The following ADGRV1 variants were observed in gnomAD, a reference collection of about 807,000 sequenced individuals.
The protein encoded by ADGRV1 is adhesion G protein-coupled receptor V1, also known as G-protein coupled receptor 98.
ADGRV1 carries 359 observed loss-of-function variants against 596.2 expected under a neutral mutation model. The ratio of observed to expected loss-of-function variants is 0.60; its 90% CI spans 0.55 to 0.66. The LOEUF is 0.66. Ranked by LOEUF, ADGRV1 falls within the 30% of genes least tolerant of loss-of-function variation. The pLI is 0.00. For synonymous variants in ADGRV1, 2,681 were observed against 2,679.2 expected (o/e 1.00, Z -0.02); for missense variants, 7,274 against 7,575.6 (o/e 0.96, Z 1.48).
At chr5:90,826,393 G>T (rs1035294805) in intron 76 of ADGRV1, among the ~76,000 whole-genome samples, 4 of 152,174 alleles carry the variant, frequency 2.6e-5, no homozygotes, top group African/African-American at 9.7e-5. Flanking sequence ...TGGAGTCACT[G>T]GAGTCAGTTT....
intron 83 of ADGRV1, among the ~76,000 whole-genome samples, chr5:90,932,203 C>T (rs937915279): frequency 6.6e-6 from 1 of 152,074 alleles, no homozygotes; most frequent in Non-Finnish European, 1.5e-5. Context: ...AATGTTTTTT[C>T]ATTAGTGGTA....
chr5:90,765,468 C>CACAA (rs748958738), intron 59 of ADGRV1, among the ~76,000 whole-genome samples: 77 of 146,976 alleles, frequency 5.2e-4, no homozygotes, highest in Non-Finnish European at 1.0e-3. Flanking sequence ...CACACACACA[C>CACAA]ACAAACTCTA....
chr5:90,910,762 G>A (rs1772814121), intron 83 of ADGRV1, among the ~76,000 whole-genome samples: 1 of 152,060 alleles, frequency 6.6e-6, no homozygotes, highest in African/African-American at 2.4e-5. Flanking sequence ...CCAGTGAGGG[G>A]TGGTTTCTTT....
In ADGRV1 at chr5:90,672,349, G is replaced by C. The variant is rs114006677; in HGVS notation, c.4753-197G>C. ...CTTTATTTATCTCTATAATGGAATG[G>C]GAGAAAATGAATGATTGTAAATATT... is the stretch of plus-strand genomic sequence containing the variant. On this transcript the variant is annotated intron_variant, in intron 21 of 89. Coordinates refer to ENST00000405460, the MANE Select transcript of ADGRV1 (RefSeq NM_032119.4). 0.037 allele frequency among the ~76,000 whole-genome samples: 5,664 copies of C among 152,230 alleles called. 358 individuals carry two copies. Among genetic ancestry groups the C allele is most frequent in the African/African-American group, 0.13 (5,308 of 41,506 alleles).
intron 67 of ADGRV1, among the ~76,000 whole-genome samples, chr5:90,786,338 A>T (rs1164132432): frequency 2.0e-5 from 3 of 152,338 alleles, no homozygotes; most frequent in South Asian, 4.1e-4. Context: ...AACATAGTAC[A>T]TGTATACCTA....
rs538920341 is a variant in ADGRV1, at chr5:91,017,139, C to G, written c.18152+31617C>G. The stretch of plus-strand genomic sequence containing the variant: ...TGGATATATGTGACTCATGAAGAGC[C>G]TTGTTCAATCTACTATTGCTAAACT... On this transcript the variant is annotated intron_variant, in intron 85 of 89. Transcript: ENST00000405460. Among the ~76,000 whole-genome samples the G allele has an allele frequency of 2.6e-5, 4 of 152,006 alleles. No individual in the cohort carries two copies. In the South Asian group the frequency reaches 8.3e-4, roughly 32 times the overall value.
chr5:90,757,366 T>C (rs1384050339), intron 57 of ADGRV1, among the ~76,000 whole-genome samples: 2 of 119,350 alleles, frequency 1.7e-5, no homozygotes, highest in East Asian at 2.5e-4. Context: ...ATCTTACCCT[T>C]TTCTGAACCC....
At chr5:90,610,960 G>A (rs1248633138) in intron 1 of ADGRV1, among the ~76,000 whole-genome samples, 1 of 151,852 alleles carries the variant, frequency 6.6e-6, no homozygotes, top group African/African-American at 2.4e-5. Context: ...AGTGGTAGAG[G>A]GAATTTCCAT....
chr5:90,744,468 A>G (rs1343972136), intron 50 of ADGRV1, among the ~76,000 whole-genome samples: 2 of 152,196 alleles, frequency 1.3e-5, no homozygotes, highest in Non-Finnish European at 2.9e-5. Flanking sequence ...TAAATATACA[A>G]TAACAAATAT....
intron 1 of ADGRV1, among the ~76,000 whole-genome samples, chr5:90,612,144 T>A (rs1762796993): frequency 6.6e-6 from 1 of 152,080 alleles, no homozygotes; most frequent in Admixed American, 6.6e-5. Flanking sequence ...ACACAGGATC[T>A]TGGAGCTCTA....
At chr5:90,713,186 T>G (rs1402970211) in intron 42 of ADGRV1, among the ~76,000 whole-genome samples, 1 of 152,090 alleles carries the variant, frequency 6.6e-6, no homozygotes, top group East Asian at 1.9e-4. Flanking sequence ...AAATTTTAGT[T>G]TGATGAATAT....
At position 90,778,482 on chromosome 5, in the gene ADGRV1, C is replaced by T; in HGVS notation, c.12722C>T (p.Ala4241Val). Residue 4241 changes from alanine (A) to valine (V), a missense_variant, in exon 63 of 90, where the codon GCA becomes GTA. Ala to Val is a moderately conservative substitution (Grantham distance 64). This residue lies in a region of ADGRV1 where 3,643 missense variants were observed against 3,809.2 expected (regional missense o/e 0.96). Coordinates refer to ENST00000405460, the MANE Select transcript of ADGRV1 (RefSeq NM_032119.4). ...AGCTTCTATGAGTTTCAGCTCACTG[C>T]AGTCAGTGAGGGAGGAGTTCTGAGT... ...EKSFYEFQLTAVSEGGVLSES... is the reference protein window; with the variant it reads ...EKSFYEFQLTVVSEGGVLSES... 6.2e-7 allele frequency: 1 copy of T among 1,612,300 alleles called. No homozygotes were observed. Among genetic ancestry groups the T allele is most frequent in the South Asian group, 1.1e-5 (1 of 90,976 alleles).
chr5:90,900,598 A>T (rs1477419069), intron 83 of ADGRV1, among the ~76,000 whole-genome samples: 1 of 152,064 alleles, frequency 6.6e-6, no homozygotes, highest in Non-Finnish European at 1.5e-5. Context: ...AAATTTCGAG[A>T]TCTCTCAACA....
intron 48 of ADGRV1, among the ~76,000 whole-genome samples, chr5:90,726,145 A>G (rs138626461): frequency 1.3e-5 from 2 of 152,344 alleles, no homozygotes; most frequent in East Asian, 1.9e-4. Flanking sequence ...AAAGCTACCA[A>G]AAGGGGTATT....
At chr5:90,975,560 A>T (rs951875960) in intron 84 of ADGRV1, among the ~76,000 whole-genome samples, 1 of 152,192 alleles carries the variant, frequency 6.6e-6, no homozygotes, top group Non-Finnish European at 1.5e-5. Flanking sequence ...AGGGACATGG[A>T]TGAAGCTGGA....
intron 64 of ADGRV1, among the ~76,000 whole-genome samples, chr5:90,780,907 C>T (rs1758766176): frequency 2.0e-5 from 3 of 152,152 alleles, no homozygotes; most frequent in Admixed American, 2.0e-4. Context: ...AGGTCTCACT[C>T]ACTATGTTGC....
At chr5:90,690,554 G>A (rs1746332066) in intron 30 of ADGRV1, among the ~76,000 whole-genome samples, 1 of 152,168 alleles carries the variant, frequency 6.6e-6, no homozygotes, top group Non-Finnish European at 1.5e-5. Context: ...TGTCACTCAT[G>A]TCTGGTATAG....
At chr5:90,739,617 C>T (rs1753701556) in intron 50 of ADGRV1, among the ~76,000 whole-genome samples, 1 of 152,196 alleles carries the variant, frequency 6.6e-6, no homozygotes, top group Admixed American at 6.5e-5. Flanking sequence ...TGGTTGGGGT[C>T]TTCAGTAAGT....
At chr5:90,744,745 A>G (rs1045945781) in intron 50 of ADGRV1, among the ~76,000 whole-genome samples, 2 of 152,218 alleles carry the variant, frequency 1.3e-5, no homozygotes, top group Non-Finnish European at 2.9e-5. Flanking sequence ...CTAATATGCT[A>G]TCTAATAAAT....
Sources: gnomAD v4.1 joint callset for allele counts (sites outside exome capture counted in the v4.1 genomes callset) on GRCh38, gnomAD v4.1.1 for gene constraint, gnomAD v4.1.1 regional missense constraint, MANE v1.5 for transcripts, NCBI Gene and HGNC (gene_info 2026-07-23, HGNC 2026-07-21) for gene names.